The following PIP5K1B variants were observed in gnomAD, a reference collection of about 807,000 sequenced individuals.
PIP5K1B encodes phosphatidylinositol-4-phosphate 5-kinase type 1 beta, also known as phosphatidylinositol 4-phosphate 5-kinase type-1 beta.
Under a neutral mutation model 67.0 loss-of-function variants are expected in PIP5K1B, and 42 were observed. That is an observed-to-expected ratio of 0.63 (90% CI 0.49 to 0.81). PIP5K1B has a LOEUF of 0.81. PIP5K1B is among the 30% of genes least tolerant of loss of function. PIP5K1B has a pLI of 0.00. For synonymous variants in PIP5K1B, 214 were observed against 231.4 expected (o/e 0.92, Z 0.68); for missense variants, 459 against 646.3 (o/e 0.71, Z 3.14).
chr9:68,970,229 G>A (rs921681347), intron 14 of PIP5K1B, among the ~76,000 whole-genome samples: 28 of 152,180 alleles, frequency 1.8e-4, no homozygotes, highest in African/African-American at 6.5e-4. Context: ...ATCTAAAATT[G>A]TTTAAAGGAG....
At chr9:68,944,056 A>T (rs1182592307) in intron 14 of PIP5K1B, among the ~76,000 whole-genome samples, 1 of 152,186 alleles carries the variant, frequency 6.6e-6, no homozygotes, top group African/African-American at 2.4e-5. Context: ...AGAAAAAAAA[A>T]TAGTATCATC....
At chr9:69,002,295 G>T (rs1888332) in intron 15 of PIP5K1B, among the ~76,000 whole-genome samples, 149,306 of 152,362 alleles carry the variant, frequency 0.98, 73,232 homozygotes, top group East Asian at 1. Context: ...AGAGAGTAAC[G>T]TCACCTCTAA....
At chr9:68,936,705 T>G (rs1162536059) in intron 13 of PIP5K1B, among the ~76,000 whole-genome samples, 2 of 152,250 alleles carry the variant, frequency 1.3e-5, no homozygotes, top group East Asian at 3.9e-4. Context: ...CTGGAGTTAA[T>G]GATTTCAGCA....
At chr9:68,748,907 C>T (rs572972459) in intron 2 of PIP5K1B, among the ~76,000 whole-genome samples, 16 of 152,246 alleles carry the variant, frequency 1.1e-4, no homozygotes, top group South Asian at 2.1e-4. Context: ...CCACCGCACT[C>T]GGCCAGGTTT....
chr9:68,990,675 T>A (rs889025246), intron 14 of PIP5K1B, among the ~76,000 whole-genome samples: 62 of 150,716 alleles, frequency 4.1e-4, no homozygotes, highest in Admixed American at 2.7e-4. Context: ...ACTATATATT[T>A]TTTTTTTGAG....
At chr9:68,736,322 A>G (rs1202167336) in intron 1 of PIP5K1B, among the ~76,000 whole-genome samples, 1 of 152,200 alleles carries the variant, frequency 6.6e-6, no homozygotes, top group African/African-American at 2.4e-5. Flanking sequence ...ATCTTGATCT[A>G]TTTGTATGCA....
chr9:68,969,367 CAAAAAAAAAAAA>C (rs10573153), intron 14 of PIP5K1B, among the ~76,000 whole-genome samples: 14 of 84,140 alleles, frequency 1.7e-4, no homozygotes, highest in Admixed American at 1.2e-3. Context: ...GACTCCACCT[CAAAAAAAAAAAA>C]AAAAAAAAAA....
At chr9:68,869,783 G>A (rs181972236) in intron 5 of PIP5K1B, among the ~76,000 whole-genome samples, 70 of 152,196 alleles carry the variant, frequency 4.6e-4, no homozygotes, top group African/African-American at 1.5e-3. Flanking sequence ...TTTGAAAGCA[G>A]CCTGGGCAAT....
Position 68,756,139 on chromosome 9 carries a change from C to T in PIP5K1B, c.-86+13482C>T, listed in dbSNP as rs184116217. On this transcript the variant is annotated intron_variant, in intron 2 of 15. Transcript: ENST00000265382. ...CCAAATTCCAGGGACTTTTTTAGGG[C>T]CTTTGGCCATGTGTTATTTTATGTA... 3.5e-4 allele frequency among the ~76,000 whole-genome samples: 54 copies of T among 152,236 alleles called. 1 individual carries two copies. Among genetic ancestry groups the T allele is most frequent in the African/African-American group, 1.3e-3 (53 of 41,546 alleles).
At chr9:68,923,442 C>A in intron 12 of PIP5K1B, 56 bp downstream of exon 12, 1 of 850,406 alleles carries the variant, frequency 1.2e-6, no homozygotes, top group Non-Finnish European at 1.9e-6. Flanking sequence ...CATTATGTAT[C>A]TTTGCAAGAT....
rs372996934 is a variant in PIP5K1B at position 68,738,381 on chromosome 9, T to G, written c.-242-4120T>G. Among the ~76,000 whole-genome samples, 5 of 152,242 alleles carry G rather than the reference T, an allele frequency of 3.3e-5. No homozygotes were observed. In the South Asian group the frequency reaches 1.0e-3, roughly 31 times the overall value. On this transcript the variant is annotated intron_variant, in intron 1 of 15. Transcript: ENST00000265382. ...TATAGTGAAAATGACTTTTTAAGGT[T>G]AATTCATGTATGGTAGGAGAATGCT... is the stretch of plus-strand genomic sequence containing the variant.
At chr9:68,717,730 C>T (rs937025359) in intron 1 of PIP5K1B, among the ~76,000 whole-genome samples, 2 of 152,160 alleles carry the variant, frequency 1.3e-5, no homozygotes, top group Non-Finnish European at 2.9e-5. Flanking sequence ...GAGGGGGATA[C>T]ATTCAGTACC....
At chr9:68,828,077 C>T (rs1412990536) in intron 4 of PIP5K1B, among the ~76,000 whole-genome samples, 2 of 152,168 alleles carry the variant, frequency 1.3e-5, no homozygotes, top group African/African-American at 4.8e-5. Flanking sequence ...GTCATTTGTC[C>T]GTTGGACTGG....
intron 2 of PIP5K1B, among the ~76,000 whole-genome samples, chr9:68,762,086 G>C (rs1830209476): frequency 6.6e-6 from 1 of 152,076 alleles, no homozygotes; most frequent in Admixed American, 6.6e-5. Flanking sequence ...ATTAACTGAA[G>C]AGATTCTCTT....
At chr9:68,946,782 G>A (rs1467128711) in intron 14 of PIP5K1B, among the ~76,000 whole-genome samples, 14 of 152,116 alleles carry the variant, frequency 9.2e-5, no homozygotes. Flanking sequence ...GGGTAAAGAT[G>A]CTCATGCGTC....
At chr9:68,843,629 A>C (rs1822034918) in intron 4 of PIP5K1B, among the ~76,000 whole-genome samples, 1 of 152,216 alleles carries the variant, frequency 6.6e-6, no homozygotes, top group South Asian at 2.1e-4. Context: ...TCCCTCTGTC[A>C]GGCAGCCCCG....
At chr9:68,745,724 C>T (rs1829264459) in intron 2 of PIP5K1B, among the ~76,000 whole-genome samples, 1 of 152,174 alleles carries the variant, frequency 6.6e-6, no homozygotes, top group Non-Finnish European at 1.5e-5. Flanking sequence ...CCTTCTGTTC[C>T]TTTAGGATTC....
At chr9:68,880,175 G>T (rs980254666) in intron 6 of PIP5K1B, among the ~76,000 whole-genome samples, 1 of 152,186 alleles carries the variant, frequency 6.6e-6, no homozygotes, top group South Asian at 2.1e-4. Flanking sequence ...TGAATGAGTT[G>T]TCCATGAGTT....
chr9:68,905,108 A>G (rs1233939555), intron 8 of PIP5K1B, among the ~76,000 whole-genome samples: 1 of 152,090 alleles, frequency 6.6e-6, no homozygotes, highest in East Asian at 1.9e-4. Context: ...GTCTCTGATT[A>G]GATGACCCTA....
Sources: allele counts gnomAD v4.1 joint callset (sites outside exome capture counted in the v4.1 genomes callset), GRCh38; gene constraint gnomAD v4.1.1; transcripts MANE v1.5; gene names NCBI Gene and HGNC (gene_info 2026-07-23, HGNC 2026-07-21).